Variants in PMFBP1 observed in about 807,000 individuals in gnomAD.
PMFBP1 encodes the protein polyamine-modulated factor 1-binding protein 1.
PMFBP1 carries 131 observed loss-of-function variants against 137.8 expected under a neutral mutation model. The ratio of observed to expected loss-of-function variants is 0.95; its 90% CI spans 0.82 to 1.10. The LOEUF (loss-of-function observed/expected upper bound fraction) is 1.10, where lower values mean the gene tolerates loss of function less well. Among genes scored for constraint, PMFBP1 ranks in the 50% least tolerant of loss-of-function variants. PMFBP1 has a pLI of 0.00. For missense variants in PMFBP1, 1,199 were observed against 1,175.4 expected (o/e 1.02, Z -0.29); for synonymous variants, 490 against 450.4 (o/e 1.09, Z -1.11).
chr16:72,191,399 C>G, the PMFBP1 span, among the ~76,000 whole-genome samples: 1 of 152,152 alleles, frequency 6.6e-6, no homozygotes, highest in Non-Finnish European at 1.5e-5. Context: ...TTAGTACATT[C>G]GAGAATATTT....
At chr16:72,245,080 G>A in the PMFBP1 span, among the ~76,000 whole-genome samples, 2 of 152,122 alleles carry the variant, frequency 1.3e-5, no homozygotes, top group Non-Finnish European at 2.9e-5. Context: ...ATTCCTCAGA[G>A]TTGCAGTTTT....
chr16:72,249,617 G>A, the PMFBP1 span, among the ~76,000 whole-genome samples: 1 of 151,866 alleles, frequency 6.6e-6, no homozygotes, highest in Non-Finnish European at 1.5e-5. Flanking sequence ...GAGTTCGGGG[G>A]AAAGAAATCA....
chr16:72,219,418 G>C, the PMFBP1 span, among the ~76,000 whole-genome samples: 1 of 152,136 alleles, frequency 6.6e-6, no homozygotes, highest in Non-Finnish European at 1.5e-5. Flanking sequence ...GAGGGAAGAG[G>C]CACCCAGGAG....
At chr16:72,217,467 ACT>A in the PMFBP1 span, among the ~76,000 whole-genome samples, 1 of 152,148 alleles carries the variant, frequency 6.6e-6, no homozygotes, top group Non-Finnish European at 1.5e-5. Flanking sequence ...CTGTAAGGAT[ACT>A]CTCTCAATAT....
At chr16:72,146,380 T>C (rs900679768) in intron 5 of PMFBP1, among the ~76,000 whole-genome samples, 8 of 152,154 alleles carry the variant, frequency 5.3e-5, no homozygotes, top group Non-Finnish European at 1.2e-4. Context: ...TATCTCAAAA[T>C]AATAAGAGCT....
chr16:72,249,304 A>G, the PMFBP1 span, among the ~76,000 whole-genome samples: 7 of 152,100 alleles, frequency 4.6e-5, no homozygotes, highest in Non-Finnish European at 1.0e-4. Context: ...TAAAAAATAA[A>G]AAATCGTGAA....
chr16:72,217,633 C>T, the PMFBP1 span, among the ~76,000 whole-genome samples: 1 of 152,186 alleles, frequency 6.6e-6, no homozygotes, highest in Non-Finnish European at 1.5e-5. Context: ...GGGTGGATCA[C>T]CTGATATCAA....
At chr16:72,220,504 T>C in the PMFBP1 span, among the ~76,000 whole-genome samples, 155 of 151,982 alleles carry the variant, frequency 1.0e-3, no homozygotes, top group Admixed American at 3.7e-3. Context: ...TGAATAGAGG[T>C]TGTCTTTAAG....
At chr16:72,133,962 C>T (rs1211183592) in intron 9 of PMFBP1, among the ~76,000 whole-genome samples, 1 of 152,022 alleles carries the variant, frequency 6.6e-6, no homozygotes, top group East Asian at 1.9e-4. Flanking sequence ...ACTAAAAATA[C>T]AAATGTTAGC....
At chr16:72,146,316 A>G (rs1289612703) in intron 5 of PMFBP1, among the ~76,000 whole-genome samples, 1 of 152,228 alleles carries the variant, frequency 6.6e-6, no homozygotes, top group East Asian at 1.9e-4. Context: ...CTTTGACAAA[A>G]TTCAACAGCG....
chr16:72,185,073 G>C, the PMFBP1 span, among the ~76,000 whole-genome samples: 4 of 151,702 alleles, frequency 2.6e-5, no homozygotes, highest in African/African-American at 7.3e-5. Flanking sequence ...ACCCAGGCTG[G>C]AGTGCAGTGG....
chr16:72,174,296 T>C (rs187288045), upstream of PMFBP1, among the ~76,000 whole-genome samples: 28 of 152,348 alleles, frequency 1.8e-4, 1 homozygote, highest in Admixed American at 1.8e-3. Flanking sequence ...TTTCACCAAA[T>C]GGCAGAAAAC....
intron 17 of PMFBP1, among the ~76,000 whole-genome samples, chr16:72,124,536 C>T (rs568244618): frequency 3.3e-5 from 5 of 152,224 alleles, no homozygotes; most frequent in Non-Finnish European, 7.4e-5. Flanking sequence ...CTGACAGTCT[C>T]TTCTCTAGAA....
At chr16:72,131,925 A>C (rs112688299) in intron 10 of PMFBP1, among the ~76,000 whole-genome samples, 6,241 of 152,236 alleles carry the variant, frequency 0.041, 393 homozygotes, top group African/African-American at 0.14. Context: ...AGCTCACTGC[A>C]ACCTTGACCT....
chr16:72,249,352 C>T, the PMFBP1 span, among the ~76,000 whole-genome samples: 1 of 150,990 alleles, frequency 6.6e-6, no homozygotes, highest in African/African-American at 2.4e-5. Flanking sequence ...TACTATGGAT[C>T]CATTCCCCAA....
chr16:72,205,863 G>C, the PMFBP1 span, among the ~76,000 whole-genome samples: 1 of 152,144 alleles, frequency 6.6e-6, no homozygotes, highest in South Asian at 2.1e-4. Context: ...GTACGTTCTA[G>C]AAGCATCTAG....
rs142177078 is a variant in PMFBP1, at chr16:72,131,286, G to A, written c.1448-564C>T. 8.2e-4 allele frequency among the ~76,000 whole-genome samples: 125 copies of A among 152,338 alleles called. 1 individual carries two copies. The highest frequency in any genetic ancestry group is 1.3e-3 in the Non-Finnish European group (90 of 68,028). On this transcript the variant is annotated intron_variant, in intron 10 of 20. Coordinates refer to ENST00000237353, the MANE Select transcript of PMFBP1 (RefSeq NM_031293.3). The stretch of plus-strand genomic sequence containing the variant: ...CCAGTTTGACTGGAAAGGGAAGTGG[G>A]GAGGAATGGTGGGCGATAGAGTTGA...
At chr16:72,190,634 G>A in the PMFBP1 span, among the ~76,000 whole-genome samples, 3 of 152,152 alleles carry the variant, frequency 2.0e-5, no homozygotes, top group African/African-American at 7.2e-5. Flanking sequence ...GCCTAGCTTG[G>A]GGTCAGAGGC....
At chr16:72,119,071 A>T (rs568992312), downstream of PMFBP1, 1 of 403,606 alleles carries the variant, frequency 2.5e-6, no homozygotes, top group South Asian at 5.4e-5. Flanking sequence ...AATGTCTGCT[A>T]GACGCCAACA....
Sources: gnomAD v4.1 joint callset for allele counts (sites outside exome capture counted in the v4.1 genomes callset) on GRCh38, gnomAD v4.1.1 for gene constraint, MANE v1.5 for transcripts, NCBI Gene and HGNC (gene_info 2026-07-23, HGNC 2026-07-21) for gene names.